Variants in ACAT2 observed in about 807,000 individuals in gnomAD.
The protein encoded by ACAT2 is acetyl-CoA acetyltransferase, cytosolic.
ACAT2 carries 26 observed loss-of-function variants against 37.1 expected under a neutral mutation model. That is an observed-to-expected ratio of 0.70 (90% CI 0.51 to 0.97). The LOEUF is 0.97. Ranked by LOEUF, ACAT2 falls within the 50% of genes least tolerant of loss-of-function variation. ACAT2 has a pLI of 0.00. For missense variants in ACAT2, 468 were observed against 489.0 expected (o/e 0.96, Z 0.40); for synonymous variants, 156 against 163.6 (o/e 0.95, Z 0.35).
At chr6:159,776,082 C>A (rs2114984482) in intron 5 of ACAT2, 68 bp from the exon 6 acceptor site, 1 of 1,542,992 alleles carries the variant, frequency 6.5e-7, no homozygotes. Context: ...GGCAGAGAAC[C>A]CACCATTCCC....
intron 2 of ACAT2, among the ~76,000 whole-genome samples, chr6:159,764,744 A>G (rs1479794244): frequency 1.3e-5 from 2 of 152,176 alleles, no homozygotes; most frequent in African/African-American, 2.4e-5. Context: ...GTGCATGTCT[A>G]CTAAGTTTAA....
chr6:159,768,470 T>A (rs373434668), intron 3 of ACAT2, 41 bp from the exon 4 acceptor site: 11 of 1,403,708 alleles, frequency 7.8e-6, no homozygotes, highest in Non-Finnish European at 1.1e-5. Context: ...AGAAGACTAA[T>A]TGCAACTAAG....
chr6:159,765,689 G>A (rs1196230353), intron 2 of ACAT2, among the ~76,000 whole-genome samples: 3 of 149,896 alleles, frequency 2.0e-5, no homozygotes, highest in Non-Finnish European at 4.4e-5. Flanking sequence ...CCCTCCCCCG[G>A]CCTCCCAAAG....
At chr6:159,762,209 C>T (rs1039428469) in intron 1 of ACAT2, 67 bp downstream of exon 1, 4 of 1,541,476 alleles carry the variant, frequency 2.6e-6, no homozygotes, top group East Asian at 2.4e-5. Context: ...CGCCGAGGGC[C>T]GGACTTGTGT....
intron 2 of ACAT2, among the ~76,000 whole-genome samples, chr6:159,763,872 T>C (rs879296736): frequency 3.7e-4 from 56 of 151,370 alleles, no homozygotes; most frequent in Non-Finnish European, 6.2e-4. Context: ...GAGGCCGAGG[T>C]GGGCGGATCA....
At chr6:159,762,176 G>C in intron 1 of ACAT2, 34 bp downstream of exon 1, 1 of 1,597,736 alleles carries the variant, frequency 6.3e-7, no homozygotes, top group Non-Finnish European at 8.5e-7. Flanking sequence ...CAGAGTCCGA[G>C]GCGCCTGCTG....
At chr6:159,766,890 C>T in intron 2 of ACAT2, 115 bp from the exon 3 acceptor site, 2 of 1,291,252 alleles carry the variant, frequency 1.5e-6, no homozygotes, top group Non-Finnish European at 2.2e-6. Flanking sequence ...ACTTACTTGA[C>T]CTGTAGGCTT....
In ACAT2 at chr6:159,778,925, C is replaced by T; in HGVS notation, c.*96C>T. On this transcript the variant is annotated 3_prime_UTR_variant, in exon 9 of 9. Coordinates refer to ENST00000367048, the MANE Select transcript of ACAT2 (RefSeq NM_005891.3). The stretch of plus-strand genomic sequence containing the variant: ...CAGAGGACCAAAGTACAGATGGAAA[C>T]CATTTCCTACATCACAAAAACCCAA... 1 of 1,568,910 alleles carries T rather than the reference C, an allele frequency of 6.4e-7. No homozygotes were observed. Among genetic ancestry groups the T allele is most frequent in the East Asian group, 2.3e-5 (1 of 44,432 alleles).
chr6:159,773,850 G>A (rs9355748), intron 4 of ACAT2, among the ~76,000 whole-genome samples: 118,412 of 152,100 alleles, frequency 0.78, 46,374 homozygotes, highest in South Asian at 0.85. Flanking sequence ...GGTTTTCTTT[G>A]TGGTAAAATG....
intron 4 of ACAT2, among the ~76,000 whole-genome samples, chr6:159,771,066 A>AAAATTAAATT (rs146534828): frequency 0.2 from 29,269 of 149,746 alleles, 3,049 homozygotes; most frequent in East Asian, 0.39. Flanking sequence ...TCTGTCTCAA[A>AAAATTAAATT]AAATTAAATT....
intron 2 of ACAT2, 60 bp downstream of exon 2, chr6:159,763,113 C>T: frequency 6.4e-7 from 1 of 1,555,686 alleles, no homozygotes; most frequent in African/African-American, 1.4e-5. Flanking sequence ...TAAACACACA[C>T]ACACACACAC....
Position 159,779,046 on chromosome 6 carries a change from C to T in ACAT2, c.*217C>T. 3 of 1,611,486 alleles carry T rather than the reference C, an allele frequency of 1.9e-6. No individual in the cohort carries two copies. Among genetic ancestry groups the T allele is most frequent in the Non-Finnish European group, 1.7e-6 (2 of 1,178,096 alleles). On this transcript the variant is annotated 3_prime_UTR_variant, in exon 9 of 9. Coordinates refer to ENST00000367048, the MANE Select transcript of ACAT2 (RefSeq NM_005891.3). The stretch of plus-strand genomic sequence containing the variant: ...GTTATAAATAAAAGGAACATCAGAT[C>T]AATCATTAAGGGCTCCAGAGTGAAC...
At position 159,768,492 on chromosome 6, in the gene ACAT2, T is replaced by A. The variant is rs1202471391; in HGVS notation, c.373-19T>A. 8 of 1,560,576 alleles carry A rather than the reference T, an allele frequency of 5.1e-6. No homozygotes were observed. The Admixed American group carries it at 1.3e-4, about 26-fold the overall frequency. ...TAATTGCAACTAAGCCTAAATCCAT[T>A]TTTATTTCTGACTTCTAGGCTCCTC... On this transcript the variant is annotated intron_variant, in intron 3 of 8. Transcript: ENST00000367048.
intron 3 of ACAT2, among the ~76,000 whole-genome samples, chr6:159,767,725 T>C (rs1213089772): frequency 6.6e-6 from 1 of 152,200 alleles, no homozygotes; most frequent in Non-Finnish European, 1.5e-5. Flanking sequence ...TACCCCCTGC[T>C]TCCTACTGAT....
chr6:159,779,080 C>T lies in ACAT2; in HGVS notation c.*251C>T. 6.2e-7 allele frequency: 1 copy of T among 1,614,076 alleles called. No homozygotes were observed. Among genetic ancestry groups the T allele is most frequent in the Non-Finnish European group, 8.5e-7 (1 of 1,179,952 alleles). On this transcript the variant is annotated 3_prime_UTR_variant, in exon 9 of 9. Transcript: ENST00000367048. ...AGGGCTCCAGAGTGAACAGCATCTT[C>T]ATAACTTCCATGTTTATCATCTTTA...
intron 7 of ACAT2, 125 bp from the exon 8 acceptor site, chr6:159,778,045 C>T: frequency 1.6e-6 from 1 of 635,274 alleles, no homozygotes; most frequent in Non-Finnish European, 2.7e-6. Context: ...ACTGTATTAA[C>T]CTAAGAACAA....
chr6:159,775,054 CCAT>C, intron 4 of ACAT2, 113 bp from the exon 5 acceptor site: 1 of 1,224,870 alleles, frequency 8.2e-7, no homozygotes, highest in African/African-American at 1.5e-5. Flanking sequence ...GCACAGGCCA[CCAT>C]GAGCCTGCTA....
At chr6:159,777,916 C>G (rs9456446) in intron 7 of ACAT2, among the ~76,000 whole-genome samples, 37 of 152,154 alleles carry the variant, frequency 2.4e-4, no homozygotes, top group African/African-American at 8.9e-4. Context: ...GTACACATAA[C>G]AGATGCTACT....
chr6:159,778,424 T>TAA (rs1162214335), intron 8 of ACAT2, 144 bp downstream of exon 8: 32 of 91,340 alleles, frequency 3.5e-4, no homozygotes, highest in African/African-American at 8.1e-4. Flanking sequence ...TCCCAAGGTT[T>TAA]AAAAAAAAAA....
Sources: allele counts gnomAD v4.1 joint callset (sites outside exome capture counted in the v4.1 genomes callset), GRCh38; gene constraint gnomAD v4.1.1; transcripts MANE v1.5; gene names NCBI Gene and HGNC (gene_info 2026-07-23, HGNC 2026-07-21).